The following RBFOX1 variants were observed in gnomAD, a reference collection of about 807,000 sequenced individuals.
RBFOX1 encodes the protein RNA binding protein fox-1 homolog 1.
RBFOX1 carries 8 observed loss-of-function variants against 57.7 expected under a neutral mutation model. That is an observed-to-expected ratio of 0.14 (90% confidence interval 0.08 to 0.25). RBFOX1 has a LOEUF of 0.25. Among genes scored for constraint, RBFOX1 ranks in the 10% least tolerant of loss-of-function variants. The pLI is 1.00. For missense variants in RBFOX1, 611 were observed against 548.5 expected, an observed-to-expected ratio of 1.11 and a Z score of -1.14; for synonymous variants, 326 against 222.4, an observed-to-expected ratio of 1.47 and a Z score of -4.15.
At chr16:5,647,749 C>A (rs752725056) in intron 3 of RBFOX1, among the ~76,000 whole-genome samples, 1 of 152,206 alleles carries the variant, frequency 6.6e-6, no homozygotes, top group South Asian at 2.1e-4. Flanking sequence ...CCCTAATCAG[C>A]TGCCAGGCTT....
intron 2 of RBFOX1, among the ~76,000 whole-genome samples, chr16:6,348,934 A>G (rs1368441602): frequency 6.6e-6 from 1 of 152,178 alleles, no homozygotes; most frequent in East Asian, 1.9e-4. Context: ...CTGGGGATAG[A>G]GATGGACAGA....
At chr16:6,446,689 AT>A (rs2094492901) in intron 2 of RBFOX1, among the ~76,000 whole-genome samples, 1 of 152,184 alleles carries the variant, frequency 6.6e-6, no homozygotes, top group Admixed American at 6.5e-5. Flanking sequence ...ATTCTAATTA[AT>A]TTAAGTTAAT....
intron 4 of RBFOX1, among the ~76,000 whole-genome samples, chr16:7,385,688 A>G (rs975274205): frequency 1.3e-5 from 2 of 152,158 alleles, no homozygotes; most frequent in Non-Finnish European, 2.9e-5. Flanking sequence ...CAACTGGCAG[A>G]TGACATCTCA....
At chr16:6,218,643 A>G (rs2097351794) in intron 1 of RBFOX1, among the ~76,000 whole-genome samples, 1 of 152,142 alleles carries the variant, frequency 6.6e-6, no homozygotes, top group South Asian at 2.1e-4. Context: ...TAATAAGAGG[A>G]AAGCCCAGCT....
intron 1 of RBFOX1, among the ~76,000 whole-genome samples, chr16:5,319,247 T>C (rs1436420600): frequency 1.3e-5 from 2 of 152,190 alleles, no homozygotes; most frequent in African/African-American, 2.4e-5. Flanking sequence ...GAGAGGGCCA[T>C]GTGGTAAGGA....
At chr16:6,698,385 G>T (rs1289738638) in intron 3 of RBFOX1, among the ~76,000 whole-genome samples, 3 of 152,106 alleles carry the variant, frequency 2.0e-5, no homozygotes, top group Admixed American at 1.3e-4. Context: ...ACAATGGATG[G>T]TTTAGCTACA....
At chr16:6,903,417 T>C (rs371212200) in intron 3 of RBFOX1, among the ~76,000 whole-genome samples, 1 of 152,198 alleles carries the variant, frequency 6.6e-6, no homozygotes, top group Non-Finnish European at 1.5e-5. Flanking sequence ...CAATTAAAAT[T>C]GACGAAAGAT....
chr16:6,672,470 GGAAAGAA>G (rs2098772429), intron 3 of RBFOX1, among the ~76,000 whole-genome samples: 1 of 136,944 alleles, frequency 7.3e-6, no homozygotes, highest in Non-Finnish European at 1.6e-5. Context: ...AAGGAAAGAA[GGAAAGAA>G]AAAAGAAAAA....
chr16:6,554,308 C>G (rs1372823982), intron 2 of RBFOX1, among the ~76,000 whole-genome samples: 1 of 152,132 alleles, frequency 6.6e-6, no homozygotes, highest in Non-Finnish European at 1.5e-5. Context: ...TTTTAAGGTT[C>G]TGCTCCCATC....
At chr16:5,326,144 T>A (rs1199358635) in intron 1 of RBFOX1, among the ~76,000 whole-genome samples, 3 of 152,332 alleles carry the variant, frequency 2.0e-5, no homozygotes, top group Non-Finnish European at 4.4e-5. Context: ...ATTTTTAATT[T>A]AGCCATTCTG....
rs1567303634 is a variant in RBFOX1 at position 6,450,826 on chromosome 16, T to TATATATAC, written c.-64+133776_-64+133777insCATATATA. 1.8e-4 allele frequency among the ~76,000 whole-genome samples: 6 copies of TATATATAC among 32,914 alleles called. 1 individual carries two copies. The East Asian group carries it at 3.8e-3, about 21-fold the overall frequency. 21.6% of individuals were successfully genotyped at this position (32,914 alleles called of 152,430 possible). ...GTATATATATATATATACATATATA[T>TATATATAC]ATATATATATGTGTATATATATATA... On this transcript the variant is annotated intron_variant, in intron 2 of 15. Transcript: ENST00000550418.
At chr16:7,101,545 A>C (rs1240236144) in intron 4 of RBFOX1, among the ~76,000 whole-genome samples, 1 of 152,078 alleles carries the variant, frequency 6.6e-6, no homozygotes, top group East Asian at 1.9e-4. Context: ...ATTCACAGAG[A>C]GGGGGCAGAT....
chr16:6,047,740 A>T (rs2152428840), intron 1 of RBFOX1, among the ~76,000 whole-genome samples: 1 of 152,306 alleles, frequency 6.6e-6, no homozygotes, highest in Admixed American at 6.5e-5. Flanking sequence ...TCCTGTATTG[A>T]CTACTTACTA....
chr16:7,359,423 A>G (rs1431756084), intron 4 of RBFOX1, among the ~76,000 whole-genome samples: 3 of 152,178 alleles, frequency 2.0e-5, no homozygotes, highest in East Asian at 3.9e-4. Context: ...AATGTGTGAT[A>G]CTAGGGAAAA....
At chr16:7,226,912 T>C (rs552544364) in intron 4 of RBFOX1, among the ~76,000 whole-genome samples, 1 of 152,350 alleles carries the variant, frequency 6.6e-6, no homozygotes, top group South Asian at 2.1e-4. Context: ...TATTTTCATC[T>C]GTGTGTCTAT....
At chr16:6,866,541 A>ATTTTTTTTTT (rs56678526) in intron 3 of RBFOX1, among the ~76,000 whole-genome samples, 3,158 of 78,710 alleles carry the variant, frequency 0.04, 462 homozygotes, top group African/African-American at 0.051. Context: ...CTTTCCTTCT[A>ATTTTTTTTTT]TTTTTTTTTT....
At chr16:6,637,940 C>G (rs1156480932) in intron 2 of RBFOX1, among the ~76,000 whole-genome samples, 1 of 152,088 alleles carries the variant, frequency 6.6e-6, no homozygotes, top group Non-Finnish European at 1.5e-5. Flanking sequence ...GACAAAGTCT[C>G]TGTGCTTCAG....
At chr16:6,514,916 AGG>A (rs1353275936) in intron 2 of RBFOX1, among the ~76,000 whole-genome samples, 1 of 152,044 alleles carries the variant, frequency 6.6e-6, no homozygotes, top group Non-Finnish European at 1.5e-5. Flanking sequence ...GGGAGAGAAA[AGG>A]GGAGAATGAG....
At chr16:6,161,200 C>T (rs1472731457) in intron 1 of RBFOX1, among the ~76,000 whole-genome samples, 3 of 152,038 alleles carry the variant, frequency 2.0e-5, no homozygotes, top group African/African-American at 7.2e-5. Context: ...ACCAGCCTGG[C>T]CAACATGGTG....
Sources: gnomAD v4.1 joint callset for allele counts (sites outside exome capture counted in the v4.1 genomes callset) on GRCh38, gnomAD v4.1.1 for gene constraint, MANE v1.5 for transcripts, NCBI Gene and HGNC (gene_info 2026-07-23, HGNC 2026-07-21) for gene names.